The following SCN8A variants were observed in gnomAD, a reference collection of about 807,000 sequenced individuals.
SCN8A encodes sodium channel protein type 8 subunit alpha.
Under a neutral mutation model 184.1 loss-of-function variants are expected in SCN8A, and 30 were observed. The observed-to-expected ratio is 0.16, with a 90% CI of 0.12 to 0.22. The LOEUF is 0.22. Ranked by LOEUF, SCN8A falls within the 10% of genes least tolerant of loss-of-function variation. The probability of loss-of-function intolerance (pLI) is 1.00; values close to 1 mark genes in which losing one functional copy is unlikely to be tolerated. For missense variants in SCN8A, 1,057 were observed against 2,498.9 expected, an observed-to-expected ratio of 0.42 and a Z score of 12.30; for synonymous variants, 852 against 907.0, an observed-to-expected ratio of 0.94 and a Z score of 1.09.
intron 1 of SCN8A, among the ~76,000 whole-genome samples, chr12:51,592,921 T>G (rs145563786): frequency 6.6e-6 from 1 of 152,076 alleles, no homozygotes; most frequent in East Asian, 1.9e-4. Context: ...TTAGAAGATG[T>G]GGAGGGGGGG....
chr12:51,595,593 A>G (rs947464138), intron 1 of SCN8A, among the ~76,000 whole-genome samples: 2 of 152,180 alleles, frequency 1.3e-5, no homozygotes, highest in Admixed American at 1.3e-4. Context: ...TATTTAATCT[A>G]TTGGAGCTTC....
intron 2 of SCN8A, among the ~76,000 whole-genome samples, chr12:51,679,721 C>CTTTTTTTTTTTTTTTTT (rs34564079): frequency 3.5e-5 from 3 of 85,510 alleles, no homozygotes; most frequent in Admixed American, 1.4e-4. Flanking sequence ...ACTATCTTGC[C>CTTTTTTTTTTTTTTTTT]TTTTTTTTTT....
At chr12:51,728,731 CAAA>C (rs10560307) in intron 12 of SCN8A, among the ~76,000 whole-genome samples, 1 of 140,488 alleles carries the variant, frequency 7.1e-6, no homozygotes, top group African/African-American at 2.8e-5. Flanking sequence ...CCCTGTTTCC[CAAA>C]AAAAAAAAAA....
chr12:51,607,098 T>C (rs1939611675), intron 1 of SCN8A, among the ~76,000 whole-genome samples: 1 of 152,072 alleles, frequency 6.6e-6, no homozygotes, highest in Non-Finnish European at 1.5e-5. Flanking sequence ...GGTTTCACCA[T>C]GTTGGCCAGG....
chr12:51,616,854 G>C (rs998992805), intron 1 of SCN8A, among the ~76,000 whole-genome samples: 1 of 151,798 alleles, frequency 6.6e-6, no homozygotes, highest in African/African-American at 2.4e-5. Context: ...GGGAAGTTGA[G>C]GCTGCAGTGA....
chr12:51,729,542 T>C (rs1942208532), intron 12 of SCN8A, among the ~76,000 whole-genome samples: 1 of 152,066 alleles, frequency 6.6e-6, no homozygotes, highest in South Asian at 2.1e-4. Flanking sequence ...TATAAACATA[T>C]CCCAATTTGT....
intron 26 of SCN8A, among the ~76,000 whole-genome samples, chr12:51,801,697 T>C (rs1938560891): frequency 1.3e-5 from 2 of 152,328 alleles, no homozygotes; most frequent in South Asian, 4.1e-4. Flanking sequence ...CCTTCCACCG[T>C]TGTCCTGCAA....
intron 1 of SCN8A, among the ~76,000 whole-genome samples, chr12:51,637,844 A>G (rs1940352677): frequency 6.6e-6 from 1 of 152,226 alleles, no homozygotes; most frequent in South Asian, 2.1e-4. Flanking sequence ...GTAGAGAAAC[A>G]ACCTTCTATT....
chr12:51,750,434 GGGCAAA>G (rs1216410148), intron 13 of SCN8A, among the ~76,000 whole-genome samples: 2 of 152,156 alleles, frequency 1.3e-5, no homozygotes, highest in Non-Finnish European at 1.5e-5. Flanking sequence ...GAGCAGGAAA[GGGCAAA>G]GGGGCAAGAA....
intron 1 of SCN8A, among the ~76,000 whole-genome samples, chr12:51,608,139 G>A (rs890144331): frequency 4.0e-5 from 6 of 150,946 alleles, no homozygotes; most frequent in Non-Finnish European, 8.8e-5. Context: ...TCCTGCCTCA[G>A]CCTCCTGAGT....
chr12:51,600,807 T>A (rs1051303544), intron 1 of SCN8A, among the ~76,000 whole-genome samples: 9 of 152,248 alleles, frequency 5.9e-5, no homozygotes, highest in African/African-American at 1.9e-4. Flanking sequence ...ATGCAATTTT[T>A]AAATCTCATT....
intron 12 of SCN8A, 85 bp from the exon 13 acceptor site, chr12:51,745,818 C>T: frequency 8.8e-7 from 1 of 1,131,832 alleles, no homozygotes. Context: ...GAAGATCACA[C>T]ACTGGACTGT....
chr12:51,661,112 A>G (rs1486366934), intron 1 of SCN8A, among the ~76,000 whole-genome samples: 1 of 152,224 alleles, frequency 6.6e-6, no homozygotes, highest in Non-Finnish European at 1.5e-5. Flanking sequence ...ATGGGGCACC[A>G]GAGCATTTTG....
chr12:51,654,118 A>G (rs1489481881), intron 1 of SCN8A, among the ~76,000 whole-genome samples: 1 of 152,086 alleles, frequency 6.6e-6, no homozygotes, highest in African/African-American at 2.4e-5. Flanking sequence ...CAATTTGCAA[A>G]TATTTTCTCT....
intron 12 of SCN8A, among the ~76,000 whole-genome samples, chr12:51,735,421 G>A (rs538284536): frequency 2.0e-5 from 3 of 152,184 alleles, no homozygotes; most frequent in Admixed American, 2.0e-4. Context: ...AGGTTTTTGA[G>A]GGTGGTATGC....
At chr12:51,645,160 A>C (rs1194065454) in intron 1 of SCN8A, among the ~76,000 whole-genome samples, 2 of 143,762 alleles carry the variant, frequency 1.4e-5, no homozygotes, top group East Asian at 4.2e-4. Context: ...CTGGGAAGTG[A>C]GGAGCCCCTC....
chr12:51,779,794 G>A (rs1246406912), intron 20 of SCN8A, among the ~76,000 whole-genome samples: 1 of 152,140 alleles, frequency 6.6e-6, no homozygotes, highest in Non-Finnish European at 1.5e-5. Context: ...AATTCATTTT[G>A]GACTGTTCTG....
At position 51,751,611 on chromosome 12, in the gene SCN8A, C is replaced by G; in HGVS notation, c.2370+18C>G. 2 of 1,546,946 alleles carry G rather than the reference C, an allele frequency of 1.3e-6. No individual in the cohort carries two copies. Among genetic ancestry groups the G allele is most frequent in the Non-Finnish European group, 1.8e-6 (2 of 1,119,380 alleles). ...GAAATCTGGTAAGATGGAACACTGT[C>G]TCCCGATATTAGGATTGGAATGTGT... On this transcript the variant is annotated intron_variant, in intron 14 of 26. Transcript: ENST00000627620.
intron 14 of SCN8A, among the ~76,000 whole-genome samples, chr12:51,758,980 G>GTA (rs371293210): frequency 7.0e-6 from 1 of 142,876 alleles, no homozygotes; most frequent in South Asian, 2.2e-4. Flanking sequence ...ATGTATGTAT[G>GTA]TATATGTGTG....
Sources: gnomAD v4.1 joint callset for allele counts (sites outside exome capture counted in the v4.1 genomes callset) on GRCh38, gnomAD v4.1.1 for gene constraint, MANE v1.5 for transcripts, NCBI Gene and HGNC (gene_info 2026-07-23, HGNC 2026-07-21) for gene names.